The following HTR2C variants were observed in gnomAD, a reference collection of about 807,000 sequenced individuals.
HTR2C encodes the protein 5-hydroxytryptamine receptor 2C.
HTR2C carries 5 observed loss-of-function variants against 21.0 expected under a neutral mutation model. The observed-to-expected ratio is 0.24, with a 90% CI of 0.12 to 0.50. HTR2C has a LOEUF of 0.50. Among genes scored for constraint, HTR2C ranks in the 20% least tolerant of loss-of-function variants. HTR2C has a pLI of 0.98. For missense variants in HTR2C, 271 were observed against 371.2 expected (o/e 0.73, Z 2.22); for synonymous variants, 150 against 145.3 (o/e 1.03, Z -0.23).
chrX:114,816,255 AGATAGATAGAT>A (rs1209527726), intron 4 of HTR2C, among the ~76,000 whole-genome samples: 4 of 71,827 alleles, frequency 5.6e-5, no homozygotes, highest in African/African-American at 1.8e-4. Flanking sequence ...ATAGATAGGT[AGATAGATAGAT>A]GATAGATAGA....
At chrX:114,657,693 AT>A (rs1488503015) in intron 2 of HTR2C, among the ~76,000 whole-genome samples, 6 of 110,711 alleles carry the variant, frequency 5.4e-5, no homozygotes, top group East Asian at 2.8e-4. Flanking sequence ...TTTTATTCTC[AT>A]TTTTTTATAT....
chrX:114,682,984 A>G (rs1322038307), intron 2 of HTR2C, among the ~76,000 whole-genome samples: 13 of 111,754 alleles, frequency 1.2e-4, no homozygotes, highest in African/African-American at 3.9e-4. Flanking sequence ...AGGTACCCAT[A>G]TTGATAATAC....
intron 2 of HTR2C, among the ~76,000 whole-genome samples, chrX:114,654,536 G>T (rs1930709571): frequency 9.1e-6 from 1 of 109,459 alleles, no homozygotes; most frequent in Non-Finnish European, 1.9e-5. Context: ...TTATTGGTTG[G>T]CTGTTTTTCT....
At chrX:114,634,065 A>G (rs1196508007) in intron 2 of HTR2C, among the ~76,000 whole-genome samples, 2 of 109,702 alleles carry the variant, frequency 1.8e-5, no homozygotes, top group Non-Finnish European at 3.8e-5. Context: ...TTCCCTTACT[A>G]CTTCCTCCAT....
chrX:114,779,266 A>G (rs1211818332), intron 4 of HTR2C, among the ~76,000 whole-genome samples: 1 of 111,452 alleles, frequency 9.0e-6, no homozygotes, highest in Non-Finnish European at 1.9e-5. Flanking sequence ...TATATCTCTG[A>G]ACAACCTTGT....
At chrX:114,775,956 AAG>A in intron 4 of HTR2C, 2 of 376,914 alleles carry the variant, frequency 5.3e-6, no homozygotes, top group Admixed American at 8.6e-5. Context: ...TGGGTCCTGG[AAG>A]AGAGAGTATG....
At chrX:114,705,089 T>C (rs2147313997) in intron 2 of HTR2C, among the ~76,000 whole-genome samples, 1 of 104,790 alleles carries the variant, frequency 9.5e-6, no homozygotes, top group East Asian at 3.1e-4. Flanking sequence ...CATTCCATGC[T>C]CATGGGTAGG....
At chrX:114,784,644 T>C (rs1014487017) in intron 4 of HTR2C, among the ~76,000 whole-genome samples, 1 of 107,216 alleles carries the variant, frequency 9.3e-6, no homozygotes, top group Non-Finnish European at 1.9e-5. Flanking sequence ...TCCTTTTTTT[T>C]TTTCTCGCTC....
intron 2 of HTR2C, among the ~76,000 whole-genome samples, chrX:114,621,008 G>A (rs1344477845): frequency 1.8e-5 from 2 of 111,861 alleles, no homozygotes; most frequent in African/African-American, 6.5e-5. Context: ...AACCTCCCAT[G>A]TAGCTGGGAC....
chrX:114,749,129 A>G (rs1337545159), intron 4 of HTR2C, among the ~76,000 whole-genome samples: 118 of 109,492 alleles, frequency 1.1e-3, no homozygotes, highest in Non-Finnish European at 2.0e-3. Flanking sequence ...AAAATGTCAA[A>G]AAAAAACCAC....
chrX:114,855,462 T>A (rs1315058120), intron 5 of HTR2C, among the ~76,000 whole-genome samples: 2 of 111,023 alleles, frequency 1.8e-5, no homozygotes. Flanking sequence ...TCTTAAGATA[T>A]TGGGAAAGTT....
intron 5 of HTR2C, among the ~76,000 whole-genome samples, chrX:114,882,874 A>G (rs1296201962): frequency 9.1e-6 from 1 of 110,363 alleles, no homozygotes; most frequent in Non-Finnish European, 1.9e-5. Context: ...TTTCTCTACA[A>G]TATTTTGGAA....
Position 114,646,555 on chromosome X carries a change from A to AT in HTR2C, c.-80+32680dup, listed in dbSNP as rs781864282. Among the ~76,000 whole-genome samples the AT allele has an allele frequency of 9.8e-5, 11 of 111,984 alleles. No homozygotes were observed. In the South Asian group the frequency reaches 4.0e-3, roughly 41 times the overall value. ...ATTTCCTTGATGATTCGTGAGGAAC[A>AT]TTTTTTCATAACCCTTTTGGCCATT... On this transcript the variant is annotated intron_variant, in intron 2 of 5. Transcript: ENST00000276198.
At chrX:114,830,217 G>A (rs1556460181) in intron 4 of HTR2C, among the ~76,000 whole-genome samples, 1 of 110,888 alleles carries the variant, frequency 9.0e-6, no homozygotes, top group African/African-American at 3.3e-5. Flanking sequence ...TTTATGCCAG[G>A]ATAGAAAAAG....
intron 2 of HTR2C, among the ~76,000 whole-genome samples, chrX:114,725,766 A>G (rs1215637109): frequency 1.8e-5 from 2 of 110,170 alleles, no homozygotes; most frequent in Admixed American, 9.7e-5. Flanking sequence ...CTTTTGGAGT[A>G]CCCGGCCGTG....
chrX:114,598,619 T>C (rs1927959379), intron 1 of HTR2C, among the ~76,000 whole-genome samples: 1 of 111,426 alleles, frequency 9.0e-6, no homozygotes, highest in Non-Finnish European at 1.9e-5. Flanking sequence ...TAATGAGCTG[T>C]AGATAGACTT....
chrX:114,837,104 A>G (rs1556464316), intron 4 of HTR2C, among the ~76,000 whole-genome samples: 1 of 112,126 alleles, frequency 8.9e-6, no homozygotes, highest in East Asian at 2.8e-4. Context: ...GTTGAGTTAT[A>G]TTTAAAAATG....
chrX:114,694,397 A>G (rs1302946729), intron 2 of HTR2C, among the ~76,000 whole-genome samples: 1 of 59,585 alleles, frequency 1.7e-5, no homozygotes, highest in Non-Finnish European at 3.4e-5. Flanking sequence ...CATGGATTAT[A>G]TGTATTCCAA....
rs2071379576 is a variant in HTR2C, at chrX:114,906,930, G to A, written c.892G>A (p.Gly298Ser). 16 of 1,210,720 alleles carry A rather than the reference G, an allele frequency of 1.3e-5. No homozygotes were observed. The highest frequency in any genetic ancestry group is 1.7e-5 in the Non-Finnish European group (15 of 894,903). The change falls in exon 6 of 6, where the codon GGC becomes AGC. Residue 298 changes from glycine to serine, a missense_variant. By Grantham distance (56) the Gly-to-Ser change is moderately conservative. This residue lies in a region of HTR2C where 192 missense variants were observed against 247.2 expected (regional missense o/e 0.78). Transcript: ENST00000276198. ...AAAGAAGAAGGAGAGACGTCCTAGG[G>A]GCACCATGCAGGCTATCAACAATGA... Reference protein sequence around the residue: ...RRKKKERRPRGTMQAINNERK... With the variant: ...RRKKKERRPRSTMQAINNERK...
Sources: allele counts gnomAD v4.1 joint callset (sites outside exome capture counted in the v4.1 genomes callset), GRCh38; gene constraint gnomAD v4.1.1; regional missense constraint gnomAD v4.1.1; transcripts MANE v1.5; gene names NCBI Gene and HGNC (gene_info 2026-07-23, HGNC 2026-07-21).